The following EVL variants were observed in gnomAD, a reference collection of about 807,000 sequenced individuals.
The protein encoded by EVL is Enah/Vasp-like.
Under a neutral mutation model 59.6 loss-of-function variants are expected in EVL, and 21 were observed. That is an observed-to-expected ratio of 0.35 (90% CI 0.25 to 0.51). The LOEUF (loss-of-function observed/expected upper bound fraction) is 0.51, where lower values mean the gene tolerates loss of function less well. Ranked by LOEUF, EVL falls within the 20% of genes least tolerant of loss-of-function variation. EVL has a pLI of 0.97. For synonymous variants in EVL, 198 were observed against 203.5 expected (o/e 0.97, Z 0.23); for missense variants, 462 against 546.6 (o/e 0.85, Z 1.54).
upstream of EVL, among the ~76,000 whole-genome samples, chr14:100,060,632 T>C (rs1028279370): frequency 6.6e-6 from 1 of 151,982 alleles, no homozygotes; most frequent in African/African-American, 2.4e-5. Flanking sequence ...TATCAGGAGG[T>C]CTACATACGT....
intron 3 of EVL, chr14:100,106,163 T>G (rs2140335640): frequency 6.6e-6 from 1 of 152,360 alleles, no homozygotes; most frequent in Non-Finnish European, 1.5e-5. Context: ...AGGATCATCC[T>G]GCGCAGTGAA....
At position 100,143,757 on chromosome 14, in the gene EVL, C is replaced by A. The variant is rs762260471; in HGVS notation, c.*19C>A. The A allele has an allele frequency of 6.2e-7, 1 of 1,610,742 alleles. No individual in the cohort carries two copies. Among genetic ancestry groups the A allele is most frequent in the Non-Finnish European group, 8.5e-7 (1 of 1,178,868 alleles). Reference sequence around the variant, plus strand: ...CACGTAAGGGGCCGGCCTCGCTGCGCTGATTCGTCGAGCCCATCCGGCGAC... The same window carrying A: ...CACGTAAGGGGCCGGCCTCGCTGCGATGATTCGTCGAGCCCATCCGGCGAC... On this transcript the variant is annotated 3_prime_UTR_variant, in exon 14 of 14. Transcript: ENST00000392920.
chr14:100,141,342 C>A, intron 12 of EVL, 96 bp downstream of exon 12: 1 of 1,365,466 alleles, frequency 7.3e-7, no homozygotes, highest in South Asian at 1.3e-5. Flanking sequence ...CCCTGGGGGC[C>A]CACATGTAGC....
intron 3 of EVL, among the ~76,000 whole-genome samples, chr14:100,100,979 A>G (rs1239586009): frequency 6.6e-6 from 1 of 152,030 alleles, no homozygotes; most frequent in Non-Finnish European, 1.5e-5. Flanking sequence ...ATGTGTATGT[A>G]TACTTTGTAT....
At chr14:100,098,494 T>TG (rs920212862) in intron 3 of EVL, among the ~76,000 whole-genome samples, 2 of 152,324 alleles carry the variant, frequency 1.3e-5, no homozygotes, top group Non-Finnish European at 2.9e-5. Context: ...CCCAAATACC[T>TG]GGAAGACTTT....
intron 3 of EVL, among the ~76,000 whole-genome samples, chr14:100,103,702 C>T (rs184956052): frequency 5.1e-4 from 78 of 152,252 alleles, no homozygotes; most frequent in Non-Finnish European, 8.2e-4. Flanking sequence ...AACATTAAGG[C>T]CCGGCTGCTG....
chr14:99,980,588 A>G (rs1480486156), intron 1 of EVL, among the ~76,000 whole-genome samples: 1 of 152,206 alleles, frequency 6.6e-6, no homozygotes, highest in African/African-American at 2.4e-5. Flanking sequence ...CACAGGTACA[A>G]ACAGTCTCCA....
chr14:99,984,892 AG>A (rs2060830540), intron 1 of EVL, among the ~76,000 whole-genome samples: 1 of 152,202 alleles, frequency 6.6e-6, no homozygotes, highest in Admixed American at 6.5e-5. Context: ...CTGGTATTAC[AG>A]GCATAAGCCA....
At chr14:100,005,376 T>C (rs1430463518) in intron 1 of EVL, among the ~76,000 whole-genome samples, 1 of 152,162 alleles carries the variant, frequency 6.6e-6, no homozygotes, top group Non-Finnish European at 1.5e-5. Flanking sequence ...TTATTAAAAA[T>C]TATACAAGCA....
rs117884785 is a variant in EVL, at chr14:99,988,434, C to T, written c.5+16377C>T. On this transcript the variant is annotated intron_variant, in intron 1 of 13. Coordinates refer to the EVL transcript ENST00000402714. ...GGTGAGGATGAGGATAACCCTTACA[C>T]ATTGGGAATGTGGATAAACCTCACA... 2.0e-3 allele frequency among the ~76,000 whole-genome samples: 304 copies of T among 152,266 alleles called. 1 individual carries two copies. Among genetic ancestry groups the T allele is most frequent in the Admixed American group, 3.2e-3 (49 of 15,286 alleles).
chr14:100,135,666 G>A (rs1888734423), intron 8 of EVL: 3 of 488,298 alleles, frequency 6.1e-6, no homozygotes, highest in Admixed American at 3.3e-5. Flanking sequence ...ATATCACCCT[G>A]CTGAGAGCCT....
intron 1 of EVL, among the ~76,000 whole-genome samples, chr14:100,003,232 G>A (rs1166512110): frequency 2.6e-5 from 4 of 152,014 alleles, no homozygotes; most frequent in East Asian, 1.9e-4. Flanking sequence ...AGTTTATTTC[G>A]ATTGGCATCT....
At chr14:100,116,706 G>A (rs189906342) in intron 3 of EVL, among the ~76,000 whole-genome samples, 1 of 152,294 alleles carries the variant, frequency 6.6e-6, no homozygotes, top group East Asian at 1.9e-4. Context: ...TCCTCCGTAG[G>A]GTCTCTTAGA....
chr14:100,012,093 G>A (rs1336488895), intron 1 of EVL, among the ~76,000 whole-genome samples: 1 of 152,162 alleles, frequency 6.6e-6, no homozygotes, highest in African/African-American at 2.4e-5. Context: ...GGTACATTCA[G>A]CAACTTCATA....
At chr14:100,067,828 C>T (rs2061965712) in intron 1 of EVL, among the ~76,000 whole-genome samples, 1 of 152,096 alleles carries the variant, frequency 6.6e-6, no homozygotes, top group East Asian at 1.9e-4. Flanking sequence ...GCTGTGAGGA[C>T]CCTGCAGCAC....
At chr14:100,006,006 ATT>A (rs146223768) in intron 1 of EVL, among the ~76,000 whole-genome samples, 22 of 56,040 alleles carry the variant, frequency 3.9e-4, no homozygotes, top group African/African-American at 1.5e-3. Context: ...TTTGCTGGCC[ATT>A]TCCCCCCCCC....
intron 1 of EVL, among the ~76,000 whole-genome samples, chr14:100,018,494 G>A (rs554884228): frequency 6.6e-6 from 1 of 152,294 alleles, no homozygotes; most frequent in African/African-American, 2.4e-5. Context: ...TTAAACAGAG[G>A]CATCAAAATC....
chr14:100,018,778 G>A (rs778445355), intron 1 of EVL, among the ~76,000 whole-genome samples: 9 of 152,190 alleles, frequency 5.9e-5, no homozygotes, highest in African/African-American at 2.2e-4. Flanking sequence ...GTTGCAACCC[G>A]AATGCTGAAG....
intron 1 of EVL, among the ~76,000 whole-genome samples, chr14:100,032,683 C>T (rs146249043): frequency 1.3e-5 from 2 of 152,270 alleles, no homozygotes; most frequent in Admixed American, 6.5e-5. Context: ...TCCATGAAAT[C>T]CTCTAAAACC....
Sources: allele counts gnomAD v4.1 joint callset (sites outside exome capture counted in the v4.1 genomes callset), GRCh38; gene constraint gnomAD v4.1.1; transcripts MANE v1.5; gene names NCBI Gene and HGNC (gene_info 2026-07-23, HGNC 2026-07-21).